FKBP11: variants seen among roughly 807,000 people sequenced by gnomAD.
The protein encoded by FKBP11 is FKBP prolyl isomerase 11.
Under a neutral mutation model 24.7 loss-of-function variants are expected in FKBP11, and 21 were observed. That is an observed-to-expected ratio of 0.85 (90% CI 0.60 to 1.23). The LOEUF is 1.23. Among genes scored for constraint, FKBP11 ranks in the 50% most tolerant of loss-of-function variants. The probability of loss-of-function intolerance (pLI) is 0.00; values close to 1 mark genes in which losing one functional copy is unlikely to be tolerated. For synonymous variants in FKBP11, 106 were observed against 100.6 expected, an observed-to-expected ratio of 1.05 and a Z score of -0.32; for missense variants, 245 against 248.7, an observed-to-expected ratio of 0.99 and a Z score of 0.10.
upstream of FKBP11, chr12:48,931,331 G>C: frequency 8.1e-7 from 1 of 1,237,462 alleles, no homozygotes; most frequent in Non-Finnish European, 1.1e-6. Context: ...TCAGGAACCT[G>C]AAGGGGAAGA....
At chr12:48,923,415 A>T in intron 5 of FKBP11, 1 of 1,472,742 alleles carries the variant, frequency 6.8e-7, no homozygotes, top group Non-Finnish European at 9.1e-7. Context: ...GGCTGAAAGG[A>T]AGGGGTGGGG....
chr12:48,931,640 C>T, the FKBP11 span: 1 of 617,132 alleles, frequency 1.6e-6, no homozygotes, highest in East Asian at 2.9e-5. Flanking sequence ...TACCACAGTA[C>T]CTGGGCTTCC....
intron 2 of FKBP11, 154 bp from the exon 3 acceptor site, chr12:48,924,802 G>T (rs933085118): frequency 1.9e-5 from 28 of 1,457,052 alleles, no homozygotes; most frequent in Non-Finnish European, 2.4e-5. Flanking sequence ...GCCCCAGAAG[G>T]CTGGCGCTTC....
At chr12:48,935,391 C>T in the FKBP11 span, among the ~76,000 whole-genome samples, 1 of 152,134 alleles carries the variant, frequency 6.6e-6, no homozygotes, top group African/African-American at 2.4e-5. Context: ...CCCTTTCCCA[C>T]AAAAGCAGGC....
At chr12:48,923,888 G>A (rs1393700530) in intron 4 of FKBP11, 36 bp from the exon 5 acceptor site, 2 of 1,599,744 alleles carry the variant, frequency 1.3e-6, no homozygotes, top group Non-Finnish European at 1.7e-6. Flanking sequence ...CCAGAGGCAG[G>A]AGAGGTAGGC....
upstream of FKBP11, among the ~76,000 whole-genome samples, chr12:48,926,900 C>A (rs1939979827): frequency 6.6e-6 from 1 of 152,286 alleles, no homozygotes; most frequent in Middle Eastern, 3.4e-3. Context: ...ACCTCCACCT[C>A]CCGGGTTCAA....
the FKBP11 span, chr12:48,938,828 TG>T: frequency 7.5e-7 from 1 of 1,335,122 alleles, no homozygotes; most frequent in Non-Finnish European, 1.0e-6. Flanking sequence ...GCTGGGCATG[TG>T]GACATGATAC....
At chr12:48,923,467 G>A in intron 5 of FKBP11, 1 of 1,549,204 alleles carries the variant, frequency 6.5e-7, no homozygotes, top group South Asian at 1.2e-5. Flanking sequence ...GTAGAAAAGG[G>A]CAGGAAAGAA....
At chr12:48,924,841 C>T in intron 2 of FKBP11, 193 bp from the exon 3 acceptor site, 3 of 1,444,542 alleles carry the variant, frequency 2.1e-6, no homozygotes, top group African/African-American at 2.9e-5. Context: ...TGCACTTCTC[C>T]GTGCCAGGTA....
At chr12:48,928,001 T>C (rs1228901926), upstream of FKBP11, among the ~76,000 whole-genome samples, 4 of 147,892 alleles carry the variant, frequency 2.7e-5, no homozygotes, top group Non-Finnish European at 5.9e-5. Flanking sequence ...TAACTGGCCG[T>C]GAACAATTGA....
At chr12:48,929,263 C>T (rs1217629445), upstream of FKBP11, among the ~76,000 whole-genome samples, 1 of 152,038 alleles carries the variant, frequency 6.6e-6, no homozygotes, top group Non-Finnish European at 1.5e-5. Context: ...GCCTGGGCAA[C>T]ATGGCAAGAC....
the FKBP11 span, among the ~76,000 whole-genome samples, chr12:48,934,881 G>A: frequency 3.3e-5 from 5 of 151,722 alleles, no homozygotes; most frequent in South Asian, 4.2e-4. Context: ...GTGTGGTGGC[G>A]CATGCCTGTA....
At position 48,922,739 on chromosome 12, in the gene FKBP11, G is replaced by T. The variant is rs1484726151; in HGVS notation, c.389-538C>A. On this transcript the variant is annotated intron_variant, in intron 5 of 5. Coordinates refer to ENST00000550765, the MANE Select transcript of FKBP11 (RefSeq NM_016594.3). ...GTGGAACAGAAATGAGTGGGCAGAA[G>T]AGGTACAAATAAGCAGCACTGGGAA... is the stretch of plus-strand genomic sequence containing the variant. 3 of 997,048 alleles carry T rather than the reference G, an allele frequency of 3.0e-6. No individual in the cohort carries two copies. The African/African-American group carries it at 5.2e-5, about 17-fold the overall frequency. 61.8% of individuals were successfully genotyped at this position (997,048 alleles called of 1,614,324 possible).
the FKBP11 span, chr12:48,931,611 C>A: frequency 1.3e-6 from 1 of 767,784 alleles, no homozygotes; most frequent in Non-Finnish European, 2.1e-6. Flanking sequence ...GTGTCTCTGT[C>A]AGTGTGTAGG....
the FKBP11 span, among the ~76,000 whole-genome samples, chr12:48,934,725 AAC>A: frequency 1.3e-5 from 2 of 152,162 alleles, no homozygotes; most frequent in Admixed American, 6.5e-5. Context: ...ATAGAAATAA[AAC>A]ACCTGGCCGG....
chr12:48,938,678 A>AGG, the FKBP11 span: 4 of 475,444 alleles, frequency 8.4e-6, no homozygotes, highest in East Asian at 4.3e-5. Context: ...TGAGAGAGAG[A>AGG]GGGGCCACCC....
chr12:48,929,825 T>G (rs141675777), upstream of FKBP11, among the ~76,000 whole-genome samples: 74 of 152,340 alleles, frequency 4.9e-4, no homozygotes, highest in Admixed American at 3.5e-3. Context: ...CTACATCTTC[T>G]GTTTCCATCT....
upstream of FKBP11, among the ~76,000 whole-genome samples, chr12:48,927,091 A>G (rs1939985819): frequency 6.6e-6 from 1 of 152,260 alleles, no homozygotes; most frequent in African/African-American, 2.4e-5. Flanking sequence ...TACAGGCGTG[A>G]GCCAATGCGC....
intron 5 of FKBP11, chr12:48,922,720 C>G: frequency 1.0e-6 from 1 of 993,844 alleles, no homozygotes; most frequent in Non-Finnish European, 1.2e-6. Context: ...GCAGGTGGAA[C>G]AGAAATGAGT....
Sources: gnomAD v4.1 joint callset for allele counts (sites outside exome capture counted in the v4.1 genomes callset) on GRCh38, gnomAD v4.1.1 for gene constraint, MANE v1.5 for transcripts, NCBI Gene and HGNC (gene_info 2026-07-23, HGNC 2026-07-21) for gene names.